SLC30A10: variants seen among roughly 807,000 people sequenced by gnomAD.
The protein encoded by SLC30A10 is solute carrier family 30 member 10, also known as calcium/manganese antiporter SLC30A10.
A neutral mutation model predicts 21.7 loss-of-function variants in SLC30A10; 8 were observed. That is an observed-to-expected ratio of 0.37 (90% confidence interval 0.22 to 0.67). SLC30A10 has a LOEUF of 0.67. SLC30A10 is among the 30% of genes least tolerant of loss of function. The pLI is 0.58. For missense variants in SLC30A10, 521 were observed against 642.5 expected (o/e 0.81, Z 2.04); for synonymous variants, 272 against 279.4 (o/e 0.97, Z 0.26).
intron 2 of SLC30A10, among the ~76,000 whole-genome samples, chr1:219,926,170 C>T (rs992483740): frequency 1.3e-5 from 2 of 152,176 alleles, no homozygotes; most frequent in African/African-American, 4.8e-5. Context: ...TAGGTTCACT[C>T]TGAGAATTCC....
At chr1:219,945,664 AAAAC>A (rs1660177385) in intron 1 of SLC30A10, among the ~76,000 whole-genome samples, 1 of 152,252 alleles carries the variant, frequency 6.6e-6, no homozygotes, top group Non-Finnish European at 1.5e-5. Flanking sequence ...GGGGAAAGCC[AAAAC>A]TAGAAGAGAT....
At chr1:219,925,205 C>G (rs1485951926) in intron 2 of SLC30A10, among the ~76,000 whole-genome samples, 1 of 152,128 alleles carries the variant, frequency 6.6e-6, no homozygotes, top group East Asian at 1.9e-4. Flanking sequence ...ATCAATCCAC[C>G]TACCTATTCT....
chr1:219,934,090 C>T (rs1402285177), intron 1 of SLC30A10, among the ~76,000 whole-genome samples: 1 of 152,196 alleles, frequency 6.6e-6, no homozygotes, highest in African/African-American at 2.4e-5. Context: ...AGATCGAGAC[C>T]ATTCTGGCTA....
At chr1:219,944,672 C>A (rs1253214311) in intron 1 of SLC30A10, among the ~76,000 whole-genome samples, 1 of 152,076 alleles carries the variant, frequency 6.6e-6, no homozygotes, top group Non-Finnish European at 1.5e-5. Flanking sequence ...ACAGCATTAG[C>A]CAGTGATAAG....
chr1:219,946,511 G>A (rs943714733), intron 1 of SLC30A10, among the ~76,000 whole-genome samples: 3 of 152,136 alleles, frequency 2.0e-5, no homozygotes, highest in Admixed American at 6.5e-5. Flanking sequence ...CTTGTCTTGT[G>A]TTTCCATGAG....
intron 2 of SLC30A10, among the ~76,000 whole-genome samples, chr1:219,925,645 A>T (rs112386456): frequency 1.0e-3 from 73 of 71,538 alleles, no homozygotes; most frequent in Non-Finnish European, 1.4e-3. Context: ...ATATATATAT[A>T]TATATATTTT....
chr1:219,945,690 AATC>A (rs1660177890), intron 1 of SLC30A10, among the ~76,000 whole-genome samples: 1 of 152,230 alleles, frequency 6.6e-6, no homozygotes, highest in Non-Finnish European at 1.5e-5. Flanking sequence ...ATGTTTGAAA[AATC>A]TTCTGGAATT....
At chr1:219,933,918 C>T (rs1186819240) in intron 1 of SLC30A10, among the ~76,000 whole-genome samples, 2 of 152,048 alleles carry the variant, frequency 1.3e-5, no homozygotes, top group African/African-American at 4.8e-5. Context: ...TTTGTGGGGC[C>T]GAGGTGGGCG....
Position 219,927,904 on chromosome 1 carries a change from C to A in SLC30A10, c.537G>T (p.Ala179=). ...CCGAGCCTGGGGCTGTCGGGTCCGC[C>A]GCGCGCCGCGGGTCCTCCGCGCCCT... ...GPQGAEDPRR[A]ADPTAPGSDS... The change falls in exon 1 of 4, where the codon GCG becomes GCT. Residue 179 remains alanine, a synonymous_variant. Transcript: ENST00000366926. 2.6e-6 allele frequency: 4 copies of A among 1,538,800 alleles called. No individual in the cohort carries two copies. Among genetic ancestry groups the A allele is most frequent in the Non-Finnish European group, 3.5e-6 (4 of 1,142,592 alleles).
At chr1:219,923,786 A>T (rs1011823553) in intron 2 of SLC30A10, among the ~76,000 whole-genome samples, 4 of 152,238 alleles carry the variant, frequency 2.6e-5, no homozygotes, top group African/African-American at 9.6e-5. Flanking sequence ...TTTGCCAGGC[A>T]CGGTGGCTCA....
intron 1 of SLC30A10, among the ~76,000 whole-genome samples, chr1:219,947,056 T>C (rs1490209277): frequency 6.6e-6 from 1 of 152,158 alleles, no homozygotes; most frequent in East Asian, 1.9e-4. Flanking sequence ...AGAAAACAGA[T>C]GGTCCATTCA....
chr1:219,927,653 AAAAAAAAAAAAAAAAC>A (rs1558254166), intron 1 of SLC30A10, 132 bp downstream of exon 1: 1 of 556,566 alleles, frequency 1.8e-6, no homozygotes, highest in African/African-American at 6.2e-5. Flanking sequence ...AAAAAAAAAA[AAAAAAAAAAAAAAAAC>A]AACAACAACA....
Position 219,928,245 on chromosome 1 carries a change from G to T in SLC30A10, c.196C>A (p.Arg66=). The T allele has an allele frequency of 6.3e-7, 1 of 1,578,370 alleles. No individual in the cohort carries two copies. Among genetic ancestry groups the T allele is most frequent in the East Asian group, 2.3e-5 (1 of 43,200 alleles). The change falls in exon 1 of 4, where the codon CGG becomes AGG. Residue 66 remains arginine (R), a synonymous_variant. Coordinates refer to ENST00000366926, the MANE Select transcript of SLC30A10 (RefSeq NM_018713.3). The surrounding 1 kb of genome is among the most constrained non-coding windows in gnomAD (Gnocchi z 6.3). ...SAGYIARRPT[R]GFSATYGYAR... ...TAGCCGTAGGTGGCGCTGAAGCCCC[G>T]GGTGGGGCGCCGGGCGATGTAGCCG...
chr1:219,951,449 C>T (rs570936476), intron 1 of SLC30A10, among the ~76,000 whole-genome samples: 8 of 151,292 alleles, frequency 5.3e-5, no homozygotes, highest in African/African-American at 9.7e-5. Context: ...GGGCCGGGCG[C>T]GGTGGCTCAC....
chr1:219,944,401 TC>T (rs1558259880), intron 1 of SLC30A10, among the ~76,000 whole-genome samples: 2 of 151,700 alleles, frequency 1.3e-5, no homozygotes, highest in African/African-American at 4.8e-5. Context: ...TGAGCCGAGA[TC>T]GCGCCACTGC....
intron 1 of SLC30A10, among the ~76,000 whole-genome samples, chr1:219,941,842 G>A (rs1484863833): frequency 6.6e-6 from 1 of 152,168 alleles, no homozygotes; most frequent in Non-Finnish European, 1.5e-5. Flanking sequence ...TGTTTTCAAT[G>A]TCACTCGCTG....
intron 2 of SLC30A10, among the ~76,000 whole-genome samples, chr1:219,919,756 A>G (rs1488784891): frequency 6.7e-6 from 1 of 149,380 alleles, no homozygotes; most frequent in Non-Finnish European, 1.5e-5. Context: ...AGCCTGGGCA[A>G]CAAGAGTGAA....
chr1:219,947,883 T>C (rs1202537908), intron 1 of SLC30A10, among the ~76,000 whole-genome samples: 2 of 151,902 alleles, frequency 1.3e-5, no homozygotes, highest in Admixed American at 6.6e-5. Context: ...GCCCAAAATC[T>C]CCTTAAGCTG....
At chr1:219,930,408 G>T (rs928888021), upstream of SLC30A10, among the ~76,000 whole-genome samples, 1 of 152,202 alleles carries the variant, frequency 6.6e-6, no homozygotes, top group African/African-American at 2.4e-5. Context: ...AAGAAGTCGA[G>T]ACTGCAGTGA....
Sources: allele counts gnomAD v4.1 joint callset (sites outside exome capture counted in the v4.1 genomes callset), GRCh38; gene constraint gnomAD v4.1.1; non-coding constraint Gnocchi (gnomAD v3.1); transcripts MANE v1.5; gene names NCBI Gene and HGNC (gene_info 2026-07-23, HGNC 2026-07-21).